SLC18A1: variants seen among roughly 807,000 people sequenced by gnomAD.
SLC18A1 encodes chromaffin granule amine transporter.
SLC18A1 carries 69 observed loss-of-function variants against 53.7 expected under a neutral mutation model. The observed-to-expected ratio is 1.28, with a 90% CI of 1.06 to 1.57. The LOEUF (loss-of-function observed/expected upper bound fraction) is 1.57. Among genes scored for constraint, SLC18A1 ranks in the 40% most tolerant of loss-of-function variants. The pLI, the probability that SLC18A1 is intolerant of heterozygous loss-of-function variation, is 0.00. For synonymous variants in SLC18A1, 320 were observed against 248.1 expected (o/e 1.29, Z -2.72); for missense variants, 932 against 668.1 (o/e 1.40, Z -4.35).
Position 20,147,348 on chromosome 8 carries a change from G to C in SLC18A1, c.1374C>G (p.Pro458=). 2 of 1,613,354 alleles carry C rather than the reference G, an allele frequency of 1.2e-6. No homozygotes were observed. The highest frequency in any genetic ancestry group is 1.7e-6 in the Non-Finnish European group (2 of 1,179,870). The change falls in exon 15 of 16, where the codon CCC becomes CCG. Residue 458 remains proline (P), a synonymous_variant. Transcript: ENST00000276373. Reference sequence around the variant, plus strand: ...TGACCCCAGTGATGACCATGAGCCAGGGAAAACCGATGGCCTTTACAATGG... The same window carrying C: ...TGACCCCAGTGATGACCATGAGCCACGGAAAACCGATGGCCTTTACAATGG... ...GGAIVKAIGF[P]WLMVITGVIN...
chr8:20,150,991 A>C, intron 10 of SLC18A1: 1 of 457,420 alleles, frequency 2.2e-6, no homozygotes. Flanking sequence ...TCTTTTTTTG[A>C]GACAGGGCCT....
At chr8:20,173,168 G>C in intron 5 of SLC18A1, 40 bp from the exon 6 acceptor site, 1 of 1,456,436 alleles carries the variant, frequency 6.9e-7, no homozygotes, top group Non-Finnish European at 9.4e-7. Flanking sequence ...CCCCTGGGGG[G>C]CTTCTATCCG....
chr8:20,161,392 A>T (rs906974262), intron 10 of SLC18A1, among the ~76,000 whole-genome samples: 1 of 152,344 alleles, frequency 6.6e-6, no homozygotes, highest in African/African-American at 2.4e-5. Flanking sequence ...AAATAATACA[A>T]AAAAGAAAAT....
intron 10 of SLC18A1, 103 bp from the exon 11 acceptor site, chr8:20,150,847 T>C (rs2071535122): frequency 9.8e-7 from 1 of 1,024,040 alleles, no homozygotes; most frequent in Non-Finnish European, 1.5e-6. Context: ...CCTTCCAAGA[T>C]CCCCAAACCA....
Position 20,164,949 on chromosome 8 carries a change from G to A in SLC18A1, c.935C>T (p.Ala312Val), listed in dbSNP as rs1335356599. 1.2e-6 allele frequency: 2 copies of A among 1,613,898 alleles called. No individual in the cohort carries two copies. Among genetic ancestry groups the A allele is most frequent in the Non-Finnish European group, 8.5e-7 (1 of 1,179,842 alleles). The change falls in exon 10 of 16, where the codon GCC becomes GTC. Residue 312 changes from alanine (A) to valine (V), a missense_variant. By Grantham distance (64) the Ala-to-Val change is moderately conservative. Transcript: ENST00000276373. ...CTCCAGGATGGCCACCCCCATGTTG[G>A]CAAAGCAGATGGACCCTGGGGAGAC... ...ILVAAGSICF[A>V]NMGVAILEPT...
chr8:20,179,987 C>G (rs1259501645), intron 2 of SLC18A1, among the ~76,000 whole-genome samples: 1 of 152,180 alleles, frequency 6.6e-6, no homozygotes, highest in African/African-American at 2.4e-5. Flanking sequence ...GGGTTTGAAT[C>G]CCAACTCTGG....
rs2072311474 is a variant in SLC18A1, at chr8:20,178,507, G to GGA, written c.489-15_489-14insTC. The GGA allele has an allele frequency of 3.6e-5, 51 of 1,415,738 alleles. No individual in the cohort carries two copies. The highest frequency in any genetic ancestry group is 4.2e-5 in the Non-Finnish European group (44 of 1,049,226). 87.7% of individuals were successfully genotyped at this position (1,415,738 alleles called of 1,614,324 possible). ...TGATATCCAATCCTAAAAGGGAATT[G>GGA]AAAAAAAAAAAGATACAATTCCAAC... On this transcript the variant is annotated splice_polypyrimidine_tract_variant and intron_variant, in intron 3 of 15. Transcript: ENST00000276373.
chr8:20,156,492 C>G (rs2071685237), intron 10 of SLC18A1, among the ~76,000 whole-genome samples: 2 of 152,140 alleles, frequency 1.3e-5, no homozygotes, highest in Non-Finnish European at 2.9e-5. Context: ...AGGGAAAAAA[C>G]CGTAATGGGT....
At chr8:20,156,577 T>C (rs1431399004) in intron 10 of SLC18A1, among the ~76,000 whole-genome samples, 2 of 152,172 alleles carry the variant, frequency 1.3e-5, no homozygotes, top group Non-Finnish European at 2.9e-5. Flanking sequence ...TGCTCAAAGG[T>C]GTGAGCTGTT....
In SLC18A1 at chr8:20,148,027, G is replaced by T. The variant is rs756116321; in HGVS notation, c.1190C>A (p.Ala397Glu). Reference sequence around the variant, plus strand: ...CTTACCTATGGCAAGGCCAAGCCCTGCATTGGGGCCAATGAGACCAAAAAT... The same window carrying T: ...CTTACCTATGGCAAGGCCAAGCCCTTCATTGGGGCCAATGAGACCAAAAAT... ...HNIFGLIGPN[A>E]GLGLAIGMVD... The change falls in exon 13 of 16, where the codon GCA (alanine) becomes GAA (glutamate). Residue 397 changes from alanine (A) to glutamate (E), a missense_variant. Physicochemically the swap from Ala to Glu is moderately radical, Grantham distance 107. Transcript: ENST00000276373. 3 of 1,614,144 alleles carry T rather than the reference G, an allele frequency of 1.9e-6. No individual in the cohort carries two copies. The highest frequency in any genetic ancestry group is 2.2e-5 in the South Asian group (2 of 91,076).
chr8:20,164,750 G>A lies in SLC18A1; in HGVS notation c.1015+119C>T, dbSNP rs995997699. ...CCTCTTGGGCTTGATTCATGGGTGTGGACGTGGGAGGTCATTCTACAAAGG... is the reference window on the plus strand; with the variant it reads ...CCTCTTGGGCTTGATTCATGGGTGTAGACGTGGGAGGTCATTCTACAAAGG... On this transcript the variant is annotated intron_variant, in intron 10 of 15. Coordinates refer to ENST00000276373, the MANE Select transcript of SLC18A1 (RefSeq NM_003053.4). 6.8e-5 allele frequency: 49 copies of A among 723,046 alleles called. 2 individuals are homozygous for A. The highest frequency in any genetic ancestry group is 6.5e-4 in the East Asian group (24 of 37,188). The allele number at this position is 723,046 out of a possible 1,614,324, so 44.8% of individuals were successfully genotyped here.
intron 1 of SLC18A1, chr8:20,181,985 G>T (rs1434583299): frequency 6.6e-6 from 1 of 152,204 alleles, no homozygotes; most frequent in South Asian, 2.1e-4. Flanking sequence ...TTCATGATTA[G>T]TTCTCTATTC....
intron 12 of SLC18A1, chr8:20,148,564 G>A (rs2071465344): frequency 2.3e-6 from 2 of 887,010 alleles, no homozygotes; most frequent in Non-Finnish European, 3.2e-6. Context: ...CCAGTTAGCT[G>A]TAAGCTAGAG....
Position 20,150,666 on chromosome 8 carries a change from C to G in SLC18A1, c.1094G>C (p.Arg365Pro). Residue 365 changes from arginine to proline, a missense_variant and splice_region_variant, in exon 11 of 16, where the codon CGG becomes CCG. By Grantham distance (103) the Arg-to-Pro change is moderately radical. Coordinates refer to ENST00000276373, the MANE Select transcript of SLC18A1 (RefSeq NM_003053.4). ...CGTCCCAGATCCCGAGGCTACATAC[C>G]GACCCATCTTGTTGGCCAACACACC... ...LFGVLANKMG[R>P]WLCSLIGMLV... The G allele has an allele frequency of 6.2e-7, 1 of 1,613,674 alleles. No homozygotes were observed. The highest frequency in any genetic ancestry group is 8.5e-7 in the Non-Finnish European group (1 of 1,179,614).
At position 20,148,086 on chromosome 8, in the gene SLC18A1, G is replaced by C; in HGVS notation, c.1147-16C>G. 6.2e-7 allele frequency: 1 copy of C among 1,613,646 alleles called. No homozygotes were observed. Among genetic ancestry groups the C allele is most frequent in the Non-Finnish European group, 8.5e-7 (1 of 1,179,562 alleles). On this transcript the variant is annotated splice_polypyrimidine_tract_variant and intron_variant, in intron 12 of 15. Transcript: ENST00000276373. The stretch of plus-strand genomic sequence containing the variant: ...CCAGAGGAACCTGCATGGGGAAGGA[G>C]GAAGAGTCATCAGGACTCCAGATGG...
intron 10 of SLC18A1, among the ~76,000 whole-genome samples, chr8:20,158,481 G>A (rs2071736322): frequency 1.3e-5 from 2 of 152,110 alleles, no homozygotes; most frequent in Admixed American, 6.5e-5. Context: ...GGCAACAGAA[G>A]GACAATATGG....
chr8:20,147,817 G>A (rs1330381496), intron 13 of SLC18A1, 95 bp from the exon 14 acceptor site: 2 of 1,549,088 alleles, frequency 1.3e-6, no homozygotes, highest in East Asian at 2.4e-5. Flanking sequence ...TTTGTCTGCT[G>A]TCTTCTGCCT....
At chr8:20,155,836 C>G (rs961903042) in intron 10 of SLC18A1, among the ~76,000 whole-genome samples, 1 of 152,180 alleles carries the variant, frequency 6.6e-6, no homozygotes, top group Non-Finnish European at 1.5e-5. Context: ...GAGTCTTGCC[C>G]CTGGTGTCCC....
At chr8:20,167,815 A>G (rs926376569) in intron 8 of SLC18A1, among the ~76,000 whole-genome samples, 11 of 151,242 alleles carry the variant, frequency 7.3e-5, no homozygotes, top group African/African-American at 2.7e-4. Context: ...TAGAGACGGG[A>G]TTTCACTGTG....
Sources: gnomAD v4.1 joint callset for allele counts (sites outside exome capture counted in the v4.1 genomes callset) on GRCh38, gnomAD v4.1.1 for gene constraint, MANE v1.5 for transcripts, NCBI Gene and HGNC (gene_info 2026-07-23, HGNC 2026-07-21) for gene names.